The following PPP1R12B variants were observed in gnomAD, a reference collection of about 807,000 sequenced individuals.
PPP1R12B encodes the protein myosin phosphatase target subunit 2.
Under a neutral mutation model 126.1 loss-of-function variants are expected in PPP1R12B, and 76 were observed. The observed-to-expected ratio is 0.60, with a 90% confidence interval of 0.50 to 0.73. PPP1R12B has a LOEUF of 0.73. Among genes scored for constraint, PPP1R12B ranks in the 30% least tolerant of loss-of-function variants. PPP1R12B has a pLI of 0.00. For synonymous variants in PPP1R12B, 356 were observed against 434.7 expected (o/e 0.82, Z 2.25); for missense variants, 1,052 against 1,205.1 (o/e 0.87, Z 1.88).
chr1:202,428,639 T>C (rs536904075), intron 5 of PPP1R12B: 5 of 509,290 alleles, frequency 9.8e-6, no homozygotes, highest in Non-Finnish European at 3.4e-6. Flanking sequence ...TGCAGTACTG[T>C]TGTACAAACT....
In PPP1R12B at chr1:202,442,515, G is replaced by A. The variant is rs1671760347; in HGVS notation, c.1610G>A (p.Gly537Glu). 2 of 1,613,702 alleles carry A rather than the reference G, an allele frequency of 1.2e-6. No individual in the cohort carries two copies. Among genetic ancestry groups the A allele is most frequent in the East Asian group, 4.5e-5 (2 of 44,844 alleles). The change falls in exon 12 of 24, where the codon GGA becomes GAA. Residue 537 changes from glycine (G) to glutamate (E), a missense_variant. By Grantham distance (98) the Gly-to-Glu change is moderately conservative. Coordinates refer to ENST00000608999, the MANE Select transcript of PPP1R12B (RefSeq NM_002481.4). Reference sequence around the variant, plus strand: ...CAGCTATGGAGGGATGAAGCAAAAGGAAATGAAATCCCACAGACAATTGCT... The same window carrying A: ...CAGCTATGGAGGGATGAAGCAAAAGAAAATGAAATCCCACAGACAATTGCT... Reference protein sequence around the residue: ...TRQLWRDEAKGNEIPQTIAPS... With the variant: ...TRQLWRDEAKENEIPQTIAPS...
rs766571909 is a variant in PPP1R12B at position 202,588,832 on chromosome 1, T to TAGATAGATAGATAGATAG, written c.*8274_*8291dup. The stretch of plus-strand genomic sequence containing the variant: ...GCGTTCAAAAGAACCGTAAGATAGA[T>TAGATAGATAGATAGATAG]AGATAGATAGATAGATAGATAGATA... On this transcript the variant is annotated 3_prime_UTR_variant, in exon 24 of 24. Coordinates refer to ENST00000608999, the MANE Select transcript of PPP1R12B (RefSeq NM_002481.4). 1 of 128,900 alleles carries TAGATAGATAGATAGATAG rather than the reference T, an allele frequency of 7.8e-6. No individual in the cohort carries two copies. Among genetic ancestry groups the TAGATAGATAGATAGATAG allele is most frequent in the Non-Finnish European group, 1.6e-5 (1 of 62,988 alleles). 8.0% of individuals were successfully genotyped at this position (128,900 alleles called of 1,614,324 possible).
rs1655431307 is a variant in PPP1R12B, at chr1:202,349,075, G to C, written c.224G>C (p.Arg75Thr). Residue 75 changes from arginine to threonine, a missense_variant, in exon 1 of 24, where the codon AGA becomes ACA. By Grantham distance (71) the Arg-to-Thr change is moderately conservative. Transcript: ENST00000608999. ...ACSSGDTDEV[R>T]KLLARGADIN... ...TCTAGCGGGGACACCGACGAGGTGA[G>C]AAAGCTTCTGGCAAGAGGTGCTGAT... is the stretch of plus-strand genomic sequence containing the variant. 2 of 1,614,148 alleles carry C rather than the reference G, an allele frequency of 1.2e-6. No homozygotes were observed. Among genetic ancestry groups the C allele is most frequent in the African/African-American group, 2.7e-5 (2 of 75,064 alleles).
intron 1 of PPP1R12B, among the ~76,000 whole-genome samples, chr1:202,361,895 A>G (rs376883174): frequency 6.6e-5 from 10 of 152,148 alleles, no homozygotes; most frequent in African/African-American, 1.2e-4. Flanking sequence ...AGAAAATGGA[A>G]GTGACATTGG....
In PPP1R12B at chr1:202,547,538, T is replaced by C. The variant is rs111801649; in HGVS notation, c.2491-11339T>C. Reference sequence around the variant, plus strand: ...TCATTATGAAAGCAACATTTTCATATAGGAGTTGTACATAAAATTGCAAGT... The same window carrying C: ...TCATTATGAAAGCAACATTTTCATACAGGAGTTGTACATAAAATTGCAAGT... On this transcript the variant is annotated intron_variant, in intron 18 of 23. Coordinates refer to ENST00000608999, the MANE Select transcript of PPP1R12B (RefSeq NM_002481.4). 7.3e-3 allele frequency among the ~76,000 whole-genome samples: 1,112 copies of C among 152,338 alleles called. 13 individuals carry two copies. Among genetic ancestry groups the C allele is most frequent in the African/African-American group, 0.025 (1,045 of 41,574 alleles).
At chr1:202,453,462 A>C (rs1043477045) in intron 13 of PPP1R12B, among the ~76,000 whole-genome samples, 1 of 152,062 alleles carries the variant, frequency 6.6e-6, no homozygotes, top group African/African-American at 2.4e-5. Context: ...TCATCAGATA[A>C]GTTTGGAAGT....
intron 18 of PPP1R12B, among the ~76,000 whole-genome samples, chr1:202,535,259 C>T (rs1256022939): frequency 6.6e-6 from 1 of 152,128 alleles, no homozygotes; most frequent in East Asian, 1.9e-4. Context: ...ACCATGTGTA[C>T]AGCACCATGG....
intron 1 of PPP1R12B, among the ~76,000 whole-genome samples, chr1:202,355,483 G>A (rs1343968498): frequency 2.6e-5 from 4 of 152,164 alleles, no homozygotes; most frequent in African/African-American, 9.7e-5. Context: ...CGAATAAATA[G>A]GAATGGGTGT....
intron 13 of PPP1R12B, among the ~76,000 whole-genome samples, chr1:202,465,914 G>T (rs755603937): frequency 2.6e-5 from 4 of 152,138 alleles, no homozygotes; most frequent in Non-Finnish European, 5.9e-5. Context: ...AGAATCCTTT[G>T]AGAACTAAAT....
intron 18 of PPP1R12B, among the ~76,000 whole-genome samples, chr1:202,515,683 A>G (rs1035984641): frequency 1.1e-4 from 16 of 152,124 alleles, no homozygotes; most frequent in African/African-American, 3.9e-4. Flanking sequence ...CCTCCCAAGT[A>G]GCTGAGATGA....
chr1:202,479,783 AAACCC>A (rs2148816089), intron 13 of PPP1R12B, among the ~76,000 whole-genome samples: 2 of 152,346 alleles, frequency 1.3e-5, no homozygotes, highest in South Asian at 4.1e-4. Flanking sequence ...GCAGATTATC[AAACCC>A]CTACACCAGA....
intron 18 of PPP1R12B, among the ~76,000 whole-genome samples, chr1:202,544,610 T>A (rs1188582040): frequency 6.6e-6 from 1 of 152,222 alleles, no homozygotes; most frequent in African/African-American, 2.4e-5. Context: ...ATTGAATTGG[T>A]ATTTGTTATA....
intron 13 of PPP1R12B, among the ~76,000 whole-genome samples, chr1:202,451,318 C>G (rs1433956086): frequency 6.7e-6 from 1 of 148,438 alleles, no homozygotes; most frequent in Non-Finnish European, 1.5e-5. Context: ...GACCCTGCAG[C>G]CTTCCACAGT....
intron 13 of PPP1R12B, among the ~76,000 whole-genome samples, chr1:202,477,083 G>C (rs1007893270): frequency 6.6e-6 from 1 of 152,168 alleles, no homozygotes; most frequent in Non-Finnish European, 1.5e-5. Flanking sequence ...CTTTGATTAA[G>C]ATGTGATGAA....
At chr1:202,435,630 A>G (rs1281954688) in intron 9 of PPP1R12B, among the ~76,000 whole-genome samples, 1 of 152,234 alleles carries the variant, frequency 6.6e-6, no homozygotes, top group Non-Finnish European at 1.5e-5. Context: ...GAGTTGAATG[A>G]TGACCCTGCT....
At chr1:202,516,712 C>T (rs569451461) in intron 18 of PPP1R12B, among the ~76,000 whole-genome samples, 32 of 152,224 alleles carry the variant, frequency 2.1e-4, no homozygotes, top group Non-Finnish European at 3.8e-4. Flanking sequence ...TACCTGATTC[C>T]ATCTAAATTG....
chr1:202,404,167 CTT>C (rs1254429744), intron 1 of PPP1R12B, among the ~76,000 whole-genome samples: 3 of 152,162 alleles, frequency 2.0e-5, no homozygotes, highest in Non-Finnish European at 4.4e-5. Context: ...AGGTGAGACT[CTT>C]TATCATGGAT....
At chr1:202,564,322 T>G in intron 20 of PPP1R12B, 121 bp from the exon 21 acceptor site, 1 of 632,750 alleles carries the variant, frequency 1.6e-6, no homozygotes, top group Non-Finnish European at 2.7e-6. Context: ...CTACCCTTCC[T>G]TCATTTTCTC....
chr1:202,440,320 A>C (rs1013424008), intron 10 of PPP1R12B, among the ~76,000 whole-genome samples: 1 of 152,188 alleles, frequency 6.6e-6, no homozygotes, highest in African/African-American at 2.4e-5. Flanking sequence ...TATTTCAAGG[A>C]AAAGATGTAC....
Sources: gnomAD v4.1 joint callset for allele counts (sites outside exome capture counted in the v4.1 genomes callset) on GRCh38, gnomAD v4.1.1 for gene constraint, MANE v1.5 for transcripts, NCBI Gene and HGNC (gene_info 2026-07-23, HGNC 2026-07-21) for gene names.